The following NEO1 variants were observed in gnomAD, a reference collection of about 807,000 sequenced individuals.
NEO1 encodes the protein neogenin.
A neutral mutation model predicts 159.7 loss-of-function variants in NEO1; 63 were observed. The ratio of observed to expected loss-of-function variants is 0.39; its 90% CI spans 0.32 to 0.49. The LOEUF (loss-of-function observed/expected upper bound fraction) is 0.49. Among genes scored for constraint, NEO1 ranks in the 20% least tolerant of loss-of-function variants. NEO1 has a pLI of 0.85. For missense variants in NEO1, 1,615 were observed against 1,831.0 expected (o/e 0.88, Z 2.15); for synonymous variants, 633 against 662.0 (o/e 0.96, Z 0.67).
rs1032916292 is a variant in NEO1, at chr15:73,269,924, C to A, written c.2495-86C>A. Reference sequence around the variant, plus strand: ...TTTTCTCCATTTCTCACCTTTCATTCCATTATATTACCCTGCATTTCCCTT... The same window carrying A: ...TTTTCTCCATTTCTCACCTTTCATTACATTATATTACCCTGCATTTCCCTT... On this transcript the variant is annotated intron_variant, in intron 16 of 28. Coordinates refer to ENST00000261908, the MANE Select transcript of NEO1 (RefSeq NM_002499.4). The A allele has an allele frequency of 3.9e-6, 4 of 1,030,224 alleles. No homozygotes were observed. The African/African-American group carries it at 4.8e-5, about 12-fold the overall frequency. The allele number at this position is 1,030,224 out of a possible 1,614,324, so 63.8% of individuals were successfully genotyped here.
intron 7 of NEO1, among the ~76,000 whole-genome samples, chr15:73,184,516 C>T (rs1027890381): frequency 3.3e-5 from 5 of 152,162 alleles, no homozygotes; most frequent in Non-Finnish European, 5.9e-5. Context: ...CACACAAAAC[C>T]CCTCAAATGT....
At chr15:73,143,439 A>C (rs946131507) in intron 5 of NEO1, 9 of 154,202 alleles carry the variant, frequency 5.8e-5, no homozygotes, top group African/African-American at 2.2e-4. Context: ...TGAAGAGTCA[A>C]ATTTCTTTCC....
At position 73,283,102 on chromosome 15, in the gene NEO1, A is replaced by G; in HGVS notation, c.3401A>G (p.His1134Arg). 2 of 1,613,986 alleles carry G rather than the reference A, an allele frequency of 1.2e-6. No homozygotes were observed. The highest frequency in any genetic ancestry group is 1.1e-5 in the South Asian group (1 of 91,032). The stretch of plus-strand genomic sequence containing the variant: ...TTTTGTACCCGTCGTACCACCTCTC[A>G]CCAGAAAAAGTAAGAAGCCCCAGAT... ...AVFCTRRTTSHQKKKRAACKS... is the reference protein window; with the variant it reads ...AVFCTRRTTSRQKKKRAACKS... The change falls in exon 23 of 29, where the codon CAC becomes CGC. Residue 1134 changes from histidine to arginine, a missense_variant. Around this residue, in one of 3 missense-constraint regions of NEO1, gnomAD observed 471 missense variants for 498.9 expected, o/e 0.94. Coordinates refer to ENST00000261908, the MANE Select transcript of NEO1 (RefSeq NM_002499.4).
chr15:73,220,164 A>G (rs1385136030), intron 7 of NEO1, among the ~76,000 whole-genome samples: 1 of 152,012 alleles, frequency 6.6e-6, no homozygotes, highest in Non-Finnish European at 1.5e-5. Context: ...AAAGGATTTT[A>G]TTTCTCCTTC....
rs984220088 is a variant in NEO1, at chr15:73,220,001, G to A, written c.1292-16346G>A. 9.2e-5 allele frequency among the ~76,000 whole-genome samples: 14 copies of A among 152,118 alleles called. No individual in the cohort carries two copies. In the South Asian group the frequency reaches 1.0e-3, roughly 11 times the overall value. ...CTGGTTATTTTGCTCGTTAGTTGAT[G>A]CAGTTTCTTCCTAGTCTCGATGGTC... On this transcript the variant is annotated intron_variant, in intron 7 of 28. Transcript: ENST00000261908.
At chr15:73,286,195 C>G (rs2041941829) in intron 23 of NEO1, among the ~76,000 whole-genome samples, 1 of 151,812 alleles carries the variant, frequency 6.6e-6, no homozygotes, top group East Asian at 1.9e-4. Context: ...CATGCATCAG[C>G]CCTTTCTAAT....
chr15:73,221,451 C>T (rs1042652395), intron 7 of NEO1, among the ~76,000 whole-genome samples: 1 of 152,220 alleles, frequency 6.6e-6, no homozygotes, highest in African/African-American at 2.4e-5. Context: ...CCACTGCTCT[C>T]TGCAAAGCTG....
At chr15:73,083,613 T>A (rs1486986689) in intron 1 of NEO1, among the ~76,000 whole-genome samples, 4 of 152,144 alleles carry the variant, frequency 2.6e-5, no homozygotes, top group African/African-American at 9.7e-5. Context: ...GCTTCTACTC[T>A]AATATGTTTT....
chr15:73,091,554 ATTG>A (rs1567172915), intron 1 of NEO1, among the ~76,000 whole-genome samples: 1 of 151,436 alleles, frequency 6.6e-6, no homozygotes. Context: ...TGTTGTTGTT[ATTG>A]TTTGTTTGTT....
intron 8 of NEO1, among the ~76,000 whole-genome samples, chr15:73,243,411 G>C (rs1282996777): frequency 6.6e-6 from 1 of 152,186 alleles, no homozygotes; most frequent in Non-Finnish European, 1.5e-5. Context: ...GGAGTAGTTT[G>C]AGGCTCTTTA....
intron 1 of NEO1, among the ~76,000 whole-genome samples, chr15:73,067,417 T>C (rs1160407183): frequency 6.6e-6 from 1 of 151,978 alleles, no homozygotes; most frequent in Admixed American, 6.6e-5. Context: ...TCTATATATA[T>C]TCAGTATTGC....
At chr15:73,215,255 T>G (rs1400517901) in intron 7 of NEO1, among the ~76,000 whole-genome samples, 1 of 152,216 alleles carries the variant, frequency 6.6e-6, no homozygotes, top group Non-Finnish European at 1.5e-5. Context: ...TTTACCGATT[T>G]GGATGCCCTT....
Position 73,260,483 on chromosome 15 carries a change from A to G in NEO1, c.2398+18A>G. 6.5e-7 allele frequency: 1 copy of G among 1,545,084 alleles called. No individual in the cohort carries two copies. Among genetic ancestry groups the G allele is most frequent in the East Asian group, 2.3e-5 (1 of 43,934 alleles). On this transcript the variant is annotated intron_variant, in intron 15 of 28. Transcript: ENST00000261908. The stretch of plus-strand genomic sequence containing the variant: ...AAATCTGGGTATGTTTGCTAAGTAG[A>G]GAAAGTTAATTGTGTGGGAGATTCC...
chr15:73,066,320 CTTTTTTTTTT>C (rs35179965), intron 1 of NEO1, among the ~76,000 whole-genome samples: 4 of 110,230 alleles, frequency 3.6e-5, no homozygotes, highest in South Asian at 6.6e-4. Flanking sequence ...CACCTGGCCT[CTTTTTTTTTT>C]TTTTTTTTTT....
At chr15:73,180,563 A>G (rs56800157) in intron 7 of NEO1, among the ~76,000 whole-genome samples, 1,944 of 152,244 alleles carry the variant, frequency 0.013, 31 homozygotes, top group African/African-American at 0.044. Flanking sequence ...TTTGGGGTAT[A>G]TTTATTTACA....
At chr15:73,234,487 T>C (rs1285953178) in intron 7 of NEO1, among the ~76,000 whole-genome samples, 2 of 152,298 alleles carry the variant, frequency 1.3e-5, no homozygotes, top group East Asian at 1.9e-4. Flanking sequence ...AGGGTTATTG[T>C]GTGAGTAAAC....
intron 5 of NEO1, among the ~76,000 whole-genome samples, chr15:73,168,376 G>C (rs1205571211): frequency 1.9e-5 from 1 of 51,502 alleles, no homozygotes; most frequent in South Asian, 8.4e-4. Flanking sequence ...TAGAGACGGG[G>C]GGTGGGGGGG....
chr15:73,075,686 A>G (rs1459037042), intron 1 of NEO1, among the ~76,000 whole-genome samples: 1 of 152,140 alleles, frequency 6.6e-6, no homozygotes, highest in East Asian at 1.9e-4. Flanking sequence ...CTTTTGTATC[A>G]TAGGATGCCA....
In NEO1 at chr15:73,210,326, T is replaced by TTAGAAGTGTTTCCTGTAG. The variant is rs2037488187; in HGVS notation, c.1292-26020_1292-26003dup. Among the ~76,000 whole-genome samples the TTAGAAGTGTTTCCTGTAG allele has an allele frequency of 2.0e-5, 3 of 152,322 alleles. No homozygotes were observed. In the South Asian group the frequency reaches 6.2e-4, roughly 32 times the overall value. ...TTTACTCCCAGGAGCCTGGCTGTGA[T>TTAGAAGTGTTTCCTGTAG]TAGAAGTGTTTCCTGTAGCCATAGA... On this transcript the variant is annotated intron_variant, in intron 7 of 28. Coordinates refer to ENST00000261908, the MANE Select transcript of NEO1 (RefSeq NM_002499.4).
Sources: gnomAD v4.1 joint callset for allele counts (sites outside exome capture counted in the v4.1 genomes callset) on GRCh38, gnomAD v4.1.1 for gene constraint, gnomAD v4.1.1 regional missense constraint, MANE v1.5 for transcripts, NCBI Gene and HGNC (gene_info 2026-07-23, HGNC 2026-07-21) for gene names.